The following RASA1 variants were observed in gnomAD, a reference collection of about 807,000 sequenced individuals.
The protein encoded by RASA1 is RAS p21 protein activator 1, also known as ras GTPase-activating protein 1.
In RASA1, 25 loss-of-function variants were observed where a neutral mutation model predicts 132.2. The observed-to-expected ratio is 0.19, with a 90% CI of 0.14 to 0.26. RASA1 has a LOEUF of 0.26. Among genes scored for constraint, RASA1 ranks in the 10% least tolerant of loss-of-function variants. RASA1 has a pLI of 1.00. For missense variants in RASA1, 964 were observed against 1,299.2 expected (o/e 0.74, Z 3.97); for synonymous variants, 477 against 449.9 (o/e 1.06, Z -0.76).
chr5:87,278,979 C>T (rs1219164693), intron 1 of RASA1, among the ~76,000 whole-genome samples: 1 of 129,570 alleles, frequency 7.7e-6, no homozygotes, highest in Non-Finnish European at 1.5e-5. Flanking sequence ...TGCAATGGCT[C>T]ATTCCTGTAA....
chr5:87,373,656 A>G (rs1328980056), intron 13 of RASA1, among the ~76,000 whole-genome samples: 1 of 152,174 alleles, frequency 6.6e-6, no homozygotes, highest in Non-Finnish European at 1.5e-5. Flanking sequence ...CAAACTAACA[A>G]ATAACTTAGT....
In RASA1 at chr5:87,376,402, G is replaced by A. The variant is rs1194205020; in HGVS notation, c.2021G>A (p.Arg674His). The change falls in exon 16 of 25, where the codon CGC becomes CAC. Residue 674 changes from arginine to histidine, a missense_variant. Arg to His is a conservative substitution (Grantham distance 29). This residue lies in a region of RASA1 where 346 missense variants were observed against 520.1 expected (regional missense o/e 0.67). Transcript: ENST00000274376. ...TGTTTTTCTTCCCAAGTATTTATGCGCTGCCAGTTGAGCCGATTACAGAAA... is the reference window on the plus strand; with the variant it reads ...TGTTTTTCTTCCCAAGTATTTATGCACTGCCAGTTGAGCCGATTACAGAAA... ...KSKDPDILFM[R>H]CQLSRLQKGH... 10 of 1,613,580 alleles carry A rather than the reference G, an allele frequency of 6.2e-6. No individual in the cohort carries two copies. The highest frequency in any genetic ancestry group is 1.6e-4 in the Middle Eastern group (1 of 6,080).
At position 87,273,038 on chromosome 5, in the gene RASA1, G is replaced by A. The variant is rs16902607; in HGVS notation, c.539+4048G>A. On this transcript the variant is annotated intron_variant, in intron 1 of 24. Coordinates refer to ENST00000274376, the MANE Select transcript of RASA1 (RefSeq NM_002890.3). ...TTAGGTCACAGGATTGAGTCCACAA[G>A]TGGCTTGTTACTCGAGTGTTCCATG... Among the ~76,000 whole-genome samples the A allele has an allele frequency of 6.3e-3, 965 of 152,332 alleles. 5 individuals are homozygous for A. Among genetic ancestry groups the A allele is most frequent in the African/African-American group, 0.014 (580 of 41,566 alleles).
intron 1 of RASA1, among the ~76,000 whole-genome samples, chr5:87,283,117 A>G (rs530506569): frequency 2.2e-4 from 29 of 133,958 alleles, no homozygotes; most frequent in Admixed American, 6.9e-4. Flanking sequence ...ACATTTCCTC[A>G]CCTATCTAGT....
At chr5:87,321,286 T>G (rs1756786109) in intron 1 of RASA1, among the ~76,000 whole-genome samples, 1 of 152,234 alleles carries the variant, frequency 6.6e-6, no homozygotes, top group East Asian at 1.9e-4. Context: ...AGGACTTCTG[T>G]GTCCAAATGC....
chr5:87,301,800 A>C (rs921427460), intron 1 of RASA1, among the ~76,000 whole-genome samples: 2 of 151,994 alleles, frequency 1.3e-5, no homozygotes, highest in Admixed American at 1.3e-4. Context: ...AGGGATACTC[A>C]ACCTTTACTA....
chr5:87,332,377 T>G (rs1319166157), intron 2 of RASA1, 130 bp from the exon 3 acceptor site: 5 of 928,788 alleles, frequency 5.4e-6, no homozygotes, highest in African/African-American at 3.4e-5. Context: ...ATAAGTGGTA[T>G]TTTAGTATAA....
chr5:87,268,114 C>T lies in RASA1; in HGVS notation c.-338C>T. On this transcript the variant is annotated 5_prime_UTR_variant, in exon 1 of 25. Coordinates refer to ENST00000274376, the MANE Select transcript of RASA1 (RefSeq NM_002890.3). ...AGCGGTAGCAGCCTCAGCCTCTTTC[C>T]CTGTGCTTCCTTTCCTCTTTAGTGC... 1 of 421,436 alleles carries T rather than the reference C, an allele frequency of 2.4e-6. No homozygotes were observed. Among genetic ancestry groups the T allele is most frequent in the Non-Finnish European group, 4.2e-6 (1 of 239,058 alleles). 26.1% of individuals were successfully genotyped at this position (421,436 alleles called of 1,614,324 possible).
intron 1 of RASA1, among the ~76,000 whole-genome samples, chr5:87,295,710 C>T (rs1382722699): frequency 6.6e-6 from 1 of 151,900 alleles, no homozygotes; most frequent in Non-Finnish European, 1.5e-5. Context: ...TAGGGTTTTG[C>T]CATGTTGCCC....
At chr5:87,344,710 G>A (rs966958629) in intron 6 of RASA1, among the ~76,000 whole-genome samples, 4 of 145,278 alleles carry the variant, frequency 2.8e-5, no homozygotes, top group Non-Finnish European at 6.0e-5. Flanking sequence ...GTAAAGATGA[G>A]GTCTTACTAT....
In RASA1 at chr5:87,319,160, G is replaced by A. The variant is rs185765675; in HGVS notation, c.540-12188G>A. On this transcript the variant is annotated intron_variant, in intron 1 of 24. Coordinates refer to ENST00000274376, the MANE Select transcript of RASA1 (RefSeq NM_002890.3). ...CTGCCCCATGGCTCTGCAGGATACA[G>A]CCCCCACAGCTGCTTTAATGGGCTG... 2.6e-4 allele frequency among the ~76,000 whole-genome samples: 39 copies of A among 152,336 alleles called. No individual in the cohort carries two copies. In the South Asian group the frequency reaches 6.2e-3, roughly 24 times the overall value.
At chr5:87,368,666 C>T (rs1760707174) in intron 11 of RASA1, among the ~76,000 whole-genome samples, 1 of 152,128 alleles carries the variant, frequency 6.6e-6, no homozygotes, top group African/African-American at 2.4e-5. Context: ...GAAATTCATT[C>T]TTTTTTCTCC....
chr5:87,284,158 C>G (rs182678470), intron 1 of RASA1, among the ~76,000 whole-genome samples: 67 of 152,092 alleles, frequency 4.4e-4, no homozygotes, highest in African/African-American at 1.4e-3. Flanking sequence ...TATTTGAGGA[C>G]CTATTCTATG....
Position 87,380,589 on chromosome 5 carries a change from T to C in RASA1, c.2684T>C (p.Val895Ala). 2 of 1,610,150 alleles carry C rather than the reference T, an allele frequency of 1.2e-6. No homozygotes were observed. The highest frequency in any genetic ancestry group is 1.7e-6 in the Non-Finnish European group (2 of 1,176,644). Residue 895 changes from valine (V) to alanine (A), a missense_variant, in exon 20 of 25, where the codon GTT (valine) becomes GCT (alanine). By Grantham distance (64) the Val-to-Ala change is moderately conservative (BLOSUM62 0). Transcript: ENST00000274376. ...ACAAATACCACCATGAGAACAAGAG[T>C]TGTTAGGTAAGGCTCATCAATTGAT... The part of the protein sequence containing the change: ...WPTNTTMRTR[V>A]VSGFVFLRLI...
intron 1 of RASA1, among the ~76,000 whole-genome samples, chr5:87,298,147 C>G (rs968760527): frequency 6.6e-6 from 1 of 152,038 alleles, no homozygotes; most frequent in Non-Finnish European, 1.5e-5. Context: ...CGGTGGCTCA[C>G]ACCTGTAATC....
At chr5:87,274,500 G>A (rs554725365) in intron 1 of RASA1, among the ~76,000 whole-genome samples, 1 of 152,192 alleles carries the variant, frequency 6.6e-6, no homozygotes, top group East Asian at 1.9e-4. Flanking sequence ...TTGATGACCA[G>A]AACTCATATT....
chr5:87,348,590 A>G (rs1759029091), intron 7 of RASA1, among the ~76,000 whole-genome samples: 1 of 151,834 alleles, frequency 6.6e-6, no homozygotes, highest in African/African-American at 2.4e-5. Context: ...TTTTGAATCT[A>G]CCTTTATAAA....
chr5:87,282,179 T>C (rs1221469060), intron 1 of RASA1, among the ~76,000 whole-genome samples: 2 of 152,198 alleles, frequency 1.3e-5, no homozygotes, highest in Non-Finnish European at 2.9e-5. Flanking sequence ...TTTCTTATTG[T>C]TTTTTCTTCT....
chr5:87,352,224 C>T (rs1448720838), intron 8 of RASA1, among the ~76,000 whole-genome samples: 1 of 151,346 alleles, frequency 6.6e-6, no homozygotes, highest in Non-Finnish European at 1.5e-5. Flanking sequence ...TTTTCAGGTC[C>T]TTTTGTTTTG....
Sources: gnomAD v4.1 joint callset for allele counts (sites outside exome capture counted in the v4.1 genomes callset) on GRCh38, gnomAD v4.1.1 for gene constraint, gnomAD v4.1.1 regional missense constraint, MANE v1.5 for transcripts, NCBI Gene and HGNC (gene_info 2026-07-23, HGNC 2026-07-21) for gene names.